DAB1: variants seen among roughly 807,000 people sequenced by gnomAD.
DAB1 encodes disabled homolog 1.
A neutral mutation model predicts 64.6 loss-of-function variants in DAB1; 15 were observed. That is an observed-to-expected ratio of 0.23 (90% confidence interval 0.16 to 0.36). The LOEUF (loss-of-function observed/expected upper bound fraction) is 0.36, where lower values mean the gene tolerates loss of function less well. Ranked by LOEUF, DAB1 falls within the 10% of genes least tolerant of loss-of-function variation. DAB1 has a pLI of 1.00. For synonymous variants in DAB1, 235 were observed against 251.9 expected (o/e 0.93, Z 0.64); for missense variants, 596 against 706.7 (o/e 0.84, Z 1.78).
rs543301618 is a variant in DAB1 at position 58,108,876 on chromosome 1, T to C, written n.387+41635A>G. ...GACTGACAGCACTCTTAAGTAGAGA[T>C]ACTAGTTTAGAGAGAGGTGTCTTTT... On this transcript the variant is annotated intron_variant and non_coding_transcript_variant, in intron 5 of 20. Coordinates refer to the DAB1 transcript ENST00000485760. Among the ~76,000 whole-genome samples, 17 of 152,330 alleles carry C rather than the reference T, an allele frequency of 1.1e-4. No individual in the cohort carries two copies. The South Asian group carries it at 3.5e-3, about 32-fold the overall frequency.
At chr1:57,505,273 A>T (rs1460584197) in intron 7 of DAB1, among the ~76,000 whole-genome samples, 1 of 152,246 alleles carries the variant, frequency 6.6e-6, no homozygotes, top group Non-Finnish European at 1.5e-5. Context: ...ATTACATCGC[A>T]GCCACACTGT....
chr1:57,011,022 G>T, intron 13 of DAB1, 123 bp downstream of exon 13: 2 of 1,318,034 alleles, frequency 1.5e-6, no homozygotes, highest in South Asian at 1.4e-5. Flanking sequence ...GCAACCCCTT[G>T]AGAACTTATG....
intron 5 of DAB1, among the ~76,000 whole-genome samples, chr1:58,038,185 G>C (rs1206284488): frequency 1.3e-5 from 2 of 152,156 alleles, no homozygotes; most frequent in East Asian, 3.9e-4. Context: ...AAATATTCTT[G>C]TAAAAGTATA....
intron 4 of DAB1, among the ~76,000 whole-genome samples, chr1:58,333,890 G>GAT (rs1342122413): frequency 6.6e-6 from 1 of 152,186 alleles, no homozygotes; most frequent in Non-Finnish European, 1.5e-5. Flanking sequence ...AAACCATGGT[G>GAT]ATATCTCCCC....
At chr1:57,903,243 T>C (rs951621038) in intron 5 of DAB1, among the ~76,000 whole-genome samples, 1 of 152,140 alleles carries the variant, frequency 6.6e-6, no homozygotes, top group Non-Finnish European at 1.5e-5. Flanking sequence ...CAGCATCGGT[T>C]GTTAATACTT....
At chr1:57,301,109 A>G (rs1456593110) in intron 1 of DAB1, among the ~76,000 whole-genome samples, 1 of 152,142 alleles carries the variant, frequency 6.6e-6, no homozygotes, top group East Asian at 1.9e-4. Context: ...AAAAAAAGGT[A>G]AAAAGCAAAC....
At chr1:57,876,363 C>G (rs1255406896) in intron 1 of DAB1, 1 of 152,264 alleles carries the variant, frequency 6.6e-6, no homozygotes, top group Non-Finnish European at 1.5e-5. Context: ...AACAAAACTC[C>G]CACTGGAAGA....
chr1:57,549,321 A>G (rs971095643), intron 7 of DAB1, among the ~76,000 whole-genome samples: 1 of 152,260 alleles, frequency 6.6e-6, no homozygotes, highest in Non-Finnish European at 1.5e-5. Context: ...TCTGACACAT[A>G]GTAGGTTTAC....
chr1:57,025,953 C>G, intron 10 of DAB1, 28 bp downstream of exon 10: 1 of 1,531,786 alleles, frequency 6.5e-7, no homozygotes, highest in Non-Finnish European at 8.8e-7. Flanking sequence ...ATTCAGAGAG[C>G]AGGGTTCAGA....
At chr1:57,529,071 A>T (rs1644630221) in intron 7 of DAB1, among the ~76,000 whole-genome samples, 1 of 152,164 alleles carries the variant, frequency 6.6e-6, no homozygotes, top group Non-Finnish European at 1.5e-5. Context: ...ACAATAGATC[A>T]CAAAGAAAAA....
chr1:57,520,961 T>G (rs4310463), intron 7 of DAB1, among the ~76,000 whole-genome samples: 10,636 of 152,074 alleles, frequency 0.07, 1,158 homozygotes, highest in African/African-American at 0.23. Flanking sequence ...AGGTAATGTC[T>G]TTTTCCAGGA....
chr1:58,178,049 T>A (rs1014473225), intron 4 of DAB1, among the ~76,000 whole-genome samples: 1 of 152,172 alleles, frequency 6.6e-6, no homozygotes, highest in Non-Finnish European at 1.5e-5. Context: ...AAATAGAAAG[T>A]GTAAGGTTAG....
chr1:57,739,877 A>G (rs931248471), intron 6 of DAB1, among the ~76,000 whole-genome samples: 2 of 151,992 alleles, frequency 1.3e-5, no homozygotes, highest in Non-Finnish European at 2.9e-5. Flanking sequence ...AGCATGCATT[A>G]TAACAAATAT....
chr1:57,142,089 A>C (rs1241572882), intron 3 of DAB1, among the ~76,000 whole-genome samples: 1 of 152,172 alleles, frequency 6.6e-6, no homozygotes. Flanking sequence ...TGTAAATTAA[A>C]ATATGATGTC....
chr1:57,802,234 G>A (rs1651162072), intron 6 of DAB1, among the ~76,000 whole-genome samples: 1 of 152,208 alleles, frequency 6.6e-6, no homozygotes, highest in African/African-American at 2.4e-5. Flanking sequence ...GGTAGGTGAG[G>A]CTGTTACTTA....
intron 6 of DAB1, among the ~76,000 whole-genome samples, chr1:57,724,681 G>A (rs1276196094): frequency 6.6e-6 from 1 of 152,128 alleles, no homozygotes; most frequent in Non-Finnish European, 1.5e-5. Flanking sequence ...CTCTTTGTCT[G>A]AGCTCCCATC....
intron 7 of DAB1, among the ~76,000 whole-genome samples, chr1:57,482,477 TAAAAAA>T (rs918167439): frequency 6.5e-5 from 4 of 61,200 alleles, no homozygotes; most frequent in African/African-American, 2.2e-4. Flanking sequence ...CTGAAAGTTG[TAAAAAA>T]AAAAAAAAAA....
chr1:57,461,646 A>G (rs1686782710), intron 7 of DAB1, among the ~76,000 whole-genome samples: 1 of 152,092 alleles, frequency 6.6e-6, no homozygotes, highest in Admixed American at 6.6e-5. Context: ...AATGCCCCCA[A>G]CTGCTCAATT....
chr1:58,409,613 G>A lies in DAB1; in HGVS notation n.258-66210C>T, dbSNP rs72914373. On this transcript the variant is annotated intron_variant and non_coding_transcript_variant, in intron 3 of 20. Coordinates refer to the DAB1 transcript ENST00000485760. ...GGGATATTACACTGATGACTTCTAC[G>A]TTTCTGGATGTAACATCTCATGATT... 5.6e-3 allele frequency among the ~76,000 whole-genome samples: 848 copies of A among 152,316 alleles called. 7 individuals carry two copies. Among genetic ancestry groups the A allele is most frequent in the African/African-American group, 0.02 (819 of 41,566 alleles).
Sources: gnomAD v4.1 joint callset for allele counts (sites outside exome capture counted in the v4.1 genomes callset) on GRCh38, gnomAD v4.1.1 for gene constraint, MANE v1.5 for transcripts, NCBI Gene and HGNC (gene_info 2026-07-23, HGNC 2026-07-21) for gene names.